The following RNF19A variants were observed in gnomAD, a reference collection of about 807,000 sequenced individuals.
RNF19A encodes the protein E3 ubiquitin-protein ligase RNF19A.
Under a neutral mutation model 75.7 loss-of-function variants are expected in RNF19A, and 32 were observed. The ratio of observed to expected loss-of-function variants is 0.42; its 90% CI spans 0.32 to 0.57. RNF19A has a LOEUF of 0.57. Ranked by LOEUF, RNF19A falls within the 20% of genes least tolerant of loss-of-function variation. RNF19A has a pLI of 0.10. For synonymous variants in RNF19A, 335 were observed against 345.2 expected, an observed-to-expected ratio of 0.97 and a Z score of 0.33; for missense variants, 782 against 1,036.3, an observed-to-expected ratio of 0.75 and a Z score of 3.37.
rs1822600098 is a variant in RNF19A, at chr8:100,330,869, T to C, written c.-243+5239A>G. The stretch of plus-strand genomic sequence containing the variant: ...TCTCTCTCCACAACCCTCTTGAGAC[T>C]CTTGCTGTGTATACAGCATTAATGC... On this transcript the variant is annotated intron_variant, in intron 1 of 3. Coordinates refer to the RNF19A transcript ENST00000519527. The surrounding 1 kb of genome is among the most constrained non-coding windows in gnomAD (Gnocchi z 4.1). Among the ~76,000 whole-genome samples the C allele has an allele frequency of 1.3e-5, 2 of 152,248 alleles. No individual in the cohort carries two copies. Among genetic ancestry groups the C allele is most frequent in the African/African-American group, 2.4e-5 (1 of 41,470 alleles).
At chr8:100,301,653 C>T (rs1308329901) in intron 1 of RNF19A, among the ~76,000 whole-genome samples, 1 of 152,182 alleles carries the variant, frequency 6.6e-6, no homozygotes, top group Non-Finnish European at 1.5e-5. Flanking sequence ...CAACTCCTAT[C>T]TTATCTCCAC....
At chr8:100,272,251 A>G (rs1820292286) in intron 3 of RNF19A, among the ~76,000 whole-genome samples, 1 of 152,226 alleles carries the variant, frequency 6.6e-6, no homozygotes, top group African/African-American at 2.4e-5. Context: ...AAGTGGATGC[A>G]GTGCTGTCAC....
chr8:100,300,069 T>C (rs1821754766), intron 1 of RNF19A, among the ~76,000 whole-genome samples: 1 of 152,160 alleles, frequency 6.6e-6, no homozygotes, highest in Non-Finnish European at 1.5e-5. Context: ...TTCTTCAAAC[T>C]ATAAGGTAAT....
intron 1 of RNF19A, among the ~76,000 whole-genome samples, chr8:100,288,799 G>A (rs749313047): frequency 6.6e-6 from 1 of 152,082 alleles, no homozygotes; most frequent in African/African-American, 2.4e-5. Context: ...GGTGGCTCAC[G>A]CCTGTAATCC....
In RNF19A at chr8:100,293,551, G is replaced by A. The variant is rs1490024916; in HGVS notation, c.-93-5284C>T. 2.0e-5 allele frequency among the ~76,000 whole-genome samples: 3 copies of A among 152,090 alleles called. No individual in the cohort carries two copies. The East Asian group carries it at 5.8e-4, about 29-fold the overall frequency. ...CATTGTTTTCTATCTTGGATGTTCAGCAGTTTGATAAAGATGTGCCTAGAT... is the reference window on the plus strand; with the variant it reads ...CATTGTTTTCTATCTTGGATGTTCAACAGTTTGATAAAGATGTGCCTAGAT... On this transcript the variant is annotated intron_variant, in intron 1 of 9. Transcript: ENST00000341084.
chr8:100,327,312 C>G (rs1186319877), intron 1 of RNF19A, among the ~76,000 whole-genome samples: 2 of 126,048 alleles, frequency 1.6e-5, no homozygotes, highest in Non-Finnish European at 3.1e-5. Flanking sequence ...GGTGCAGTGG[C>G]ATGATCTTGG....
At chr8:100,262,729 GA>G in intron 7 of RNF19A, among the ~76,000 whole-genome samples, 1 of 152,294 alleles carries the variant, frequency 6.6e-6, no homozygotes. Flanking sequence ...TAGAAGCTGA[GA>G]AGTTGATACA....
chr8:100,276,360 T>C (rs565764647), intron 2 of RNF19A, among the ~76,000 whole-genome samples: 5 of 152,318 alleles, frequency 3.3e-5, no homozygotes, highest in Admixed American at 2.6e-4. Flanking sequence ...TGATTCCATT[T>C]ATATATTTTT....
At chr8:100,278,716 T>C (rs891089565) in intron 2 of RNF19A, among the ~76,000 whole-genome samples, 3 of 152,102 alleles carry the variant, frequency 2.0e-5, no homozygotes, top group Non-Finnish European at 4.4e-5. Context: ...ATACTAGTAT[T>C]CATAGCACTA....
chr8:100,309,084 A>G (rs1183879471), intron 1 of RNF19A, among the ~76,000 whole-genome samples: 1 of 152,196 alleles, frequency 6.6e-6, no homozygotes, highest in East Asian at 1.9e-4. Flanking sequence ...GGAAAAAAAG[A>G]GCAACTGCAG....
At chr8:100,321,611 T>C (rs927225642) in intron 1 of RNF19A, among the ~76,000 whole-genome samples, 3 of 152,212 alleles carry the variant, frequency 2.0e-5, no homozygotes, top group African/African-American at 7.2e-5. Flanking sequence ...GCTTCCAGCT[T>C]GGTGCATTTT....
chr8:100,287,409 G>A lies in RNF19A; in HGVS notation c.674+92C>T, dbSNP rs1821075380. The A allele has an allele frequency of 1.2e-5, 14 of 1,154,956 alleles. No homozygotes were observed. Among genetic ancestry groups the A allele is most frequent in the Non-Finnish European group, 1.7e-5 (14 of 817,870 alleles). 71.5% of individuals were successfully genotyped at this position (1,154,956 alleles called of 1,614,324 possible). The stretch of plus-strand genomic sequence containing the variant: ...ACATGTCTGTTGAATGAATTCTCCA[G>A]CATGTAAAAATTTTTCTTTTGAGTA... On this transcript the variant is annotated intron_variant, in intron 2 of 9. Coordinates refer to ENST00000341084, the MANE Select transcript of RNF19A (RefSeq NM_183419.4). The surrounding 1 kb of genome is among the most constrained non-coding windows in gnomAD (Gnocchi z 4.1).
At chr8:100,288,986 G>A (rs1010890828) in intron 1 of RNF19A, among the ~76,000 whole-genome samples, 1 of 151,260 alleles carries the variant, frequency 6.6e-6, no homozygotes, top group African/African-American at 2.4e-5. Context: ...CGTGAACCCG[G>A]GAAGTGGAGC....
rs1822398079 is a variant in RNF19A at position 100,317,250 on chromosome 8, T to C, written c.-242-3878A>G. Among the ~76,000 whole-genome samples the C allele has an allele frequency of 6.6e-6, 1 of 150,430 alleles. No individual in the cohort carries two copies. The highest frequency in any genetic ancestry group is 2.4e-5 in the African/African-American group (1 of 41,130). ...GGGCTCTCACAGTGCAGTGGTGGGC[T>C]GAAGGGCTCCTCAAATGCCGCCAAA... On this transcript the variant is annotated intron_variant, in intron 1 of 3. Transcript: ENST00000519527. The surrounding 1 kb of genome is among the most constrained non-coding windows in gnomAD (Gnocchi z 4.3).
intron 1 of RNF19A, among the ~76,000 whole-genome samples, chr8:100,308,366 G>A (rs987266308): frequency 1.3e-5 from 2 of 152,070 alleles, no homozygotes; most frequent in African/African-American, 4.8e-5. Context: ...TAAGTCCCAA[G>A]ACTTAATTCT....
chr8:100,279,969 ATTTCT>A (rs1222906497), intron 2 of RNF19A, among the ~76,000 whole-genome samples: 2 of 152,022 alleles, frequency 1.3e-5, no homozygotes, highest in East Asian at 1.9e-4. Context: ...TTCATTTCTG[ATTTCT>A]TTTAATTTTT....
chr8:100,285,462 A>G (rs1396780187), intron 2 of RNF19A, among the ~76,000 whole-genome samples: 2 of 152,158 alleles, frequency 1.3e-5, no homozygotes, highest in African/African-American at 4.8e-5. Flanking sequence ...ATTGTGTTCA[A>G]TTAGGTTGCT....
At chr8:100,280,662 T>C (rs576257063) in intron 2 of RNF19A, among the ~76,000 whole-genome samples, 96 of 152,368 alleles carry the variant, frequency 6.3e-4, no homozygotes, top group Admixed American at 2.7e-3. Flanking sequence ...GTTTGTCTAG[T>C]AGTTTTTTCT....
rs1660318 is a variant in RNF19A, at chr8:100,325,051, T to C, written c.-243+11057A>G. 0.45 allele frequency among the ~76,000 whole-genome samples: 68,770 copies of C among 151,772 alleles called. 16,395 individuals carry two copies. Among genetic ancestry groups the C allele is most frequent in the African/African-American group, 0.62 (25,511 of 41,336 alleles). Reference sequence around the variant, plus strand: ...CCTCTCGAGTAGCTGGAATTACAGGTGCCTACCACCACAACCGGCTAATTT... The same window carrying C: ...CCTCTCGAGTAGCTGGAATTACAGGCGCCTACCACCACAACCGGCTAATTT... On this transcript the variant is annotated intron_variant, in intron 1 of 3. Coordinates refer to the RNF19A transcript ENST00000519527. This position sits in a 1 kb window ranked among gnomAD's most constrained non-coding sequence, Gnocchi z 4.3.
Sources: gnomAD v4.1 joint callset for allele counts (sites outside exome capture counted in the v4.1 genomes callset) on GRCh38, gnomAD v4.1.1 for gene constraint, Gnocchi (gnomAD v3.1) non-coding constraint, MANE v1.5 for transcripts, NCBI Gene and HGNC (gene_info 2026-07-23, HGNC 2026-07-21) for gene names.